The following FRAS1 variants were observed in gnomAD, a reference collection of about 807,000 sequenced individuals.
FRAS1 encodes Fraser extracellular matrix complex subunit 1.
FRAS1 carries 290 observed loss-of-function variants against 435.2 expected under a neutral mutation model. That is an observed-to-expected ratio of 0.67 (90% CI 0.61 to 0.73). The LOEUF is 0.73. FRAS1 is among the 30% of genes least tolerant of loss of function. FRAS1 has a pLI of 0.00. For synonymous variants in FRAS1, 1,800 were observed against 1,851.0 expected (o/e 0.97, Z 0.71); for missense variants, 4,860 against 5,001.5 (o/e 0.97, Z 0.85).
At chr4:78,337,844 G>C in intron 20 of FRAS1, 27 bp downstream of exon 20, 1 of 1,613,282 alleles carries the variant, frequency 6.2e-7, no homozygotes, top group Non-Finnish European at 8.5e-7. Context: ...TGGACTCCTC[G>C]GAAATCACTG....
intron 2 of FRAS1, among the ~76,000 whole-genome samples, chr4:78,103,101 T>C (rs1394973525): frequency 1.3e-5 from 2 of 152,148 alleles, no homozygotes; most frequent in East Asian, 1.9e-4. Flanking sequence ...CTGGAAGTGG[T>C]TTCAGGGGAA....
intron 2 of FRAS1, among the ~76,000 whole-genome samples, chr4:78,086,569 T>G (rs1321834135): frequency 1.3e-5 from 2 of 151,636 alleles, no homozygotes; most frequent in South Asian, 4.2e-4. Context: ...ATCAAATAGA[T>G]GCAATAAAAA....
intron 2 of FRAS1, among the ~76,000 whole-genome samples, chr4:78,125,902 G>A (rs866720311): frequency 9.9e-5 from 15 of 152,192 alleles, no homozygotes; most frequent in African/African-American, 3.6e-4. Flanking sequence ...GAGAACCACT[G>A]CCGTCTTCAG....
At chr4:78,462,144 C>A (rs969666347) in intron 47 of FRAS1, among the ~76,000 whole-genome samples, 1 of 152,126 alleles carries the variant, frequency 6.6e-6, no homozygotes, top group Non-Finnish European at 1.5e-5. Flanking sequence ...CCGAGGCAGG[C>A]GGATCACCTG....
chr4:78,540,869 G>T lies in FRAS1; in HGVS notation c.11784G>T (p.Arg3928Ser), dbSNP rs925875618. The T allele has an allele frequency of 1.7e-5, 27 of 1,613,856 alleles. No homozygotes were observed. The highest frequency in any genetic ancestry group is 2.3e-5 in the Non-Finnish European group (27 of 1,179,894). ...LVFLVACFIN[R>S]KCQKQRKKKP... is the part of the protein sequence containing the mutation. ...TTTTGGTGGCTTGTTTTATCAACAG[G>T]AAATGCCAGAAACAGAGGAAGAAGA... The change falls in exon 74 of 74, where the codon AGG becomes AGT. Residue 3928 changes from arginine (R) to serine (S), a missense_variant. Transcript: ENST00000512123.
At position 78,255,173 on chromosome 4, in the gene FRAS1, C is replaced by G. The variant is rs1578209247; in HGVS notation, c.470-69C>G. ...TCTGACCAACTGCACTGGCTGCACG[C>G]CCATGCAGTCAGCCCTGGGATCAAC... is the stretch of plus-strand genomic sequence containing the variant. On this transcript the variant is annotated intron_variant, in intron 5 of 73. Transcript: ENST00000512123. 7 of 1,502,800 alleles carry G rather than the reference C, an allele frequency of 4.7e-6. No individual in the cohort carries two copies. In the East Asian group the frequency reaches 1.5e-4, roughly 32 times the overall value. The allele number at this position is 1,502,800 out of a possible 1,614,324, so 93.1% of individuals were successfully genotyped here.
chr4:78,372,733 G>T lies in FRAS1; in HGVS notation c.2885G>T (p.Cys962Phe), dbSNP rs774340996. The change falls in exon 24 of 74, where the codon TGC (cysteine) becomes TTC (phenylalanine). Residue 962 changes from cysteine (C) to phenylalanine (F), a missense_variant. Coordinates refer to ENST00000512123, the MANE Select transcript of FRAS1 (RefSeq NM_025074.7). ...TTCTTTTTAGAGTGTGATTGGAGCT[G>T]CAGTGCATGCAGTGGGCCCCTGAAA... ...TNTCKECDWSCSACSGPLKTD... is the reference protein window; with the variant it reads ...TNTCKECDWSFSACSGPLKTD... The T allele has an allele frequency of 1.9e-6, 3 of 1,612,744 alleles. No individual in the cohort carries two copies. The highest frequency in any genetic ancestry group is 2.5e-6 in the Non-Finnish European group (3 of 1,179,770).
chr4:78,294,193 T>C (rs1354309246), intron 14 of FRAS1, among the ~76,000 whole-genome samples: 1 of 152,228 alleles, frequency 6.6e-6, no homozygotes, highest in Admixed American at 6.5e-5. Flanking sequence ...ACCTCCTTGT[T>C]GTTGCTGCTG....
At chr4:78,391,736 C>G (rs1021558937) in intron 29 of FRAS1, among the ~76,000 whole-genome samples, 1 of 152,102 alleles carries the variant, frequency 6.6e-6, no homozygotes, top group Non-Finnish European at 1.5e-5. Context: ...ATGGAAAATT[C>G]TATTGCTGAG....
chr4:78,508,924 C>A lies in FRAS1; in HGVS notation c.9698C>A (p.Ala3233Asp), dbSNP rs1228818178. ...QTSVQFSWEVAAPTDGNGARS... is the reference protein window; with the variant it reads ...QTSVQFSWEVDAPTDGNGARS... ...TCTGTGCAGTTCAGCTGGGAAGTGG[C>A]TGCCCCCACTGATGGCAATGGGGCC... Residue 3233 changes from alanine to aspartate, a missense_variant, in exon 63 of 74, where the codon GCT (alanine) becomes GAT (aspartate). Ala to Asp is a moderately radical substitution (Grantham distance 126, BLOSUM62 -2). Transcript: ENST00000512123. The A allele has an allele frequency of 1.9e-6, 3 of 1,613,942 alleles. No individual in the cohort carries two copies. Among genetic ancestry groups the A allele is most frequent in the Admixed American group, 3.3e-5 (2 of 60,018 alleles).
At chr4:78,525,018 G>T (rs1294293659) in intron 69 of FRAS1, among the ~76,000 whole-genome samples, 1 of 152,172 alleles carries the variant, frequency 6.6e-6, no homozygotes, top group African/African-American at 2.4e-5. Context: ...ATTTGGGCAT[G>T]CTTGGAGAAC....
At chr4:78,337,991 G>A (rs1239771408) in intron 20 of FRAS1, 174 bp downstream of exon 20, 4 of 607,854 alleles carry the variant, frequency 6.6e-6, no homozygotes, top group African/African-American at 5.6e-5. Context: ...GTAAATACTT[G>A]TGGATTTAAA....
intron 35 of FRAS1, among the ~76,000 whole-genome samples, chr4:78,428,058 A>T (rs1578318071): frequency 6.6e-6 from 1 of 152,210 alleles, no homozygotes; most frequent in African/African-American, 2.4e-5. Flanking sequence ...ATCCCTCCAA[A>T]ACTGGCTTTT....
chr4:78,362,082 C>A (rs1731091550), intron 20 of FRAS1, among the ~76,000 whole-genome samples: 2 of 152,088 alleles, frequency 1.3e-5, no homozygotes, highest in Admixed American at 1.3e-4. Flanking sequence ...GCTGTCTGGA[C>A]AAAATAATTT....
intron 2 of FRAS1, among the ~76,000 whole-genome samples, chr4:78,090,881 G>C (rs1304696884): frequency 6.6e-6 from 1 of 152,094 alleles, no homozygotes; most frequent in Non-Finnish European, 1.5e-5. Context: ...TTCTAGAAAT[G>C]GCAAGATTAT....
intron 2 of FRAS1, among the ~76,000 whole-genome samples, chr4:78,158,602 TC>T (rs1379108053): frequency 6.6e-6 from 1 of 152,154 alleles, no homozygotes; most frequent in Non-Finnish European, 1.5e-5. Flanking sequence ...TAAATTAACT[TC>T]TCATGACTAC....
Position 78,290,803 on chromosome 4 carries a change from C to CT in FRAS1, c.1534+4283dup, listed in dbSNP as rs56771542. 3.5e-4 allele frequency among the ~76,000 whole-genome samples: 43 copies of CT among 121,814 alleles called. No homozygotes were observed. The East Asian group carries it at 7.3e-3, about 21-fold the overall frequency. The allele number at this position is 121,814 out of a possible 152,430, so 79.9% of individuals were successfully genotyped here. A position where few individuals can be genotyped will look rare whatever the true frequency, so the allele number is the denominator to read the frequency against. On this transcript the variant is annotated intron_variant, in intron 14 of 73. Coordinates refer to ENST00000512123, the MANE Select transcript of FRAS1 (RefSeq NM_025074.7). ...GTTCATGGTTTCTGTTATTTATTGCCTTTTTTTTTTTTTTTTTTTAAGACA... is the reference window on the plus strand; with the variant it reads ...GTTCATGGTTTCTGTTATTTATTGCCTTTTTTTTTTTTTTTTTTTTAAGACA...
At chr4:78,187,422 C>T (rs151173233) in intron 2 of FRAS1, among the ~76,000 whole-genome samples, 36 of 152,142 alleles carry the variant, frequency 2.4e-4, no homozygotes, top group African/African-American at 8.7e-4. Flanking sequence ...AGAAGTTATT[C>T]CTCAAACTTT....
chr4:78,502,546 G>A (rs1720717010), intron 61 of FRAS1, among the ~76,000 whole-genome samples: 1 of 150,194 alleles, frequency 6.7e-6, no homozygotes, highest in African/African-American at 2.5e-5. Context: ...GAATGCTTGT[G>A]ATTTTTGCAC....
Sources: allele counts gnomAD v4.1 joint callset (sites outside exome capture counted in the v4.1 genomes callset), GRCh38; gene constraint gnomAD v4.1.1; transcripts MANE v1.5; gene names NCBI Gene and HGNC (gene_info 2026-07-23, HGNC 2026-07-21).